RASA3: variants seen among roughly 807,000 people sequenced by gnomAD.
RASA3 encodes ras GTPase-activating protein 3.
A neutral mutation model predicts 110.0 loss-of-function variants in RASA3; 73 were observed. The observed-to-expected ratio is 0.66, with a 90% CI of 0.55 to 0.81. The LOEUF is 0.81. Among genes scored for constraint, RASA3 ranks in the 30% least tolerant of loss-of-function variants. RASA3 has a pLI of 0.00. For missense variants in RASA3, 976 were observed against 1,113.2 expected, an observed-to-expected ratio of 0.88 and a Z score of 1.75; for synonymous variants, 500 against 451.4, an observed-to-expected ratio of 1.11 and a Z score of -1.37.
intron 9 of RASA3, among the ~76,000 whole-genome samples, chr13:114,021,132 C>T (rs1054891423): frequency 2.0e-5 from 3 of 152,192 alleles, no homozygotes; most frequent in African/African-American, 4.8e-5. Flanking sequence ...CTTTCACCCA[C>T]GTTCCCTGTC....
intron 18 of RASA3, among the ~76,000 whole-genome samples, chr13:114,001,887 G>A (rs1354030037): frequency 6.6e-6 from 1 of 152,266 alleles, no homozygotes; most frequent in Non-Finnish European, 1.5e-5. Context: ...GGCCAGCCCT[G>A]CTGTGGTAGA....
At chr13:114,091,844 G>T (rs907885058) in intron 1 of RASA3, among the ~76,000 whole-genome samples, 1 of 151,978 alleles carries the variant, frequency 6.6e-6, no homozygotes, top group Non-Finnish European at 1.5e-5. Context: ...TTTGCTGGGA[G>T]ATTTTTTGTT....
At chr13:114,043,822 C>G (rs1264869592) in intron 3 of RASA3, among the ~76,000 whole-genome samples, 5 of 149,418 alleles carry the variant, frequency 3.3e-5, no homozygotes, top group Non-Finnish European at 6.0e-5. Flanking sequence ...CCGCCTGGCC[C>G]ACCTCACTCG....
intron 14 of RASA3, among the ~76,000 whole-genome samples, chr13:114,013,627 T>A (rs2053700617): frequency 6.9e-6 from 1 of 144,196 alleles, no homozygotes; most frequent in African/African-American, 2.6e-5. Context: ...TCCATCTGTC[T>A]CTCTCTCTCT....
chr13:114,088,981 A>G (rs1392717247), intron 1 of RASA3, among the ~76,000 whole-genome samples: 1 of 152,132 alleles, frequency 6.6e-6, no homozygotes, highest in Non-Finnish European at 1.5e-5. Context: ...ACCATATATG[A>G]AGTTCATAAT....
At chr13:113,982,797 T>C (rs1385767058) in intron 22 of RASA3, among the ~76,000 whole-genome samples, 1 of 152,166 alleles carries the variant, frequency 6.6e-6, no homozygotes, top group Non-Finnish European at 1.5e-5. Flanking sequence ...GGCGTCCCTA[T>C]AGAAGACACC....
intron 2 of RASA3, among the ~76,000 whole-genome samples, chr13:114,072,178 C>A (rs1398338123): frequency 6.6e-6 from 1 of 152,174 alleles, no homozygotes; most frequent in Non-Finnish European, 1.5e-5. Flanking sequence ...CTTCCCACCC[C>A]CGACATAAAT....
At chr13:114,043,690 G>C (rs1017707084) in intron 3 of RASA3, among the ~76,000 whole-genome samples, 2 of 152,058 alleles carry the variant, frequency 1.3e-5, no homozygotes, top group Non-Finnish European at 2.9e-5. Flanking sequence ...ACAGGCCCCA[G>C]CACATGTGGG....
intron 16 of RASA3, among the ~76,000 whole-genome samples, chr13:114,010,364 G>A (rs1386035191): frequency 2.0e-5 from 3 of 151,958 alleles, no homozygotes; most frequent in African/African-American, 7.3e-5. Flanking sequence ...AACTGCCCTG[G>A]CCTGGCCCCT....
At chr13:114,038,879 G>C (rs560899259) in intron 4 of RASA3, among the ~76,000 whole-genome samples, 6 of 152,234 alleles carry the variant, frequency 3.9e-5, no homozygotes, top group Non-Finnish European at 7.3e-5. Flanking sequence ...GACCCACCCA[G>C]TTGCCTCTGC....
At chr13:114,097,329 A>G (rs1262089132) in intron 1 of RASA3, among the ~76,000 whole-genome samples, 2 of 152,210 alleles carry the variant, frequency 1.3e-5, no homozygotes, top group African/African-American at 4.8e-5. Flanking sequence ...GCAAGTCTAC[A>G]AGCAGCCGGC....
chr13:114,047,420 C>T (rs944180015), intron 3 of RASA3, among the ~76,000 whole-genome samples: 12 of 152,264 alleles, frequency 7.9e-5, no homozygotes, highest in Middle Eastern at 6.8e-3. Flanking sequence ...GGGCAGGATG[C>T]GAAATACCTG....
rs35186136 is a variant in RASA3 at position 114,014,598 on chromosome 13, T to TG, written c.1405+610dup. Among the ~76,000 whole-genome samples, 2 of 152,078 alleles carry TG rather than the reference T, an allele frequency of 1.3e-5. No individual in the cohort carries two copies. The highest frequency in any genetic ancestry group is 2.9e-5 in the Non-Finnish European group (2 of 67,986). ...GCGGGGTCTTGAGTATCGCAGGTGA[T>TG]GGGTGGGTGCAGGCACCCAGCTCCT... On this transcript the variant is annotated intron_variant, in intron 14 of 23. Coordinates refer to ENST00000334062, the MANE Select transcript of RASA3 (RefSeq NM_007368.4). The surrounding 1 kb of genome is among the most constrained non-coding windows in gnomAD (Gnocchi z 4.5).
At chr13:113,995,687 CGGCTGATGGGGGGCT>C (rs1192628850) in intron 21 of RASA3, among the ~76,000 whole-genome samples, 1 of 94,014 alleles carries the variant, frequency 1.1e-5, no homozygotes, top group East Asian at 2.7e-4. Flanking sequence ...GATGGGGGCC[CGGCTGATGGGGGGCT>C]GGCTGACGGA....
At chr13:114,039,972 G>A (rs2054363262) in intron 4 of RASA3, among the ~76,000 whole-genome samples, 1 of 152,370 alleles carries the variant, frequency 6.6e-6, no homozygotes, top group East Asian at 1.9e-4. Flanking sequence ...GGTGCCGCGT[G>A]CCAGGCAACA....
intron 1 of RASA3, among the ~76,000 whole-genome samples, chr13:114,122,556 G>T (rs183763458): frequency 1.3e-5 from 2 of 152,226 alleles, no homozygotes; most frequent in African/African-American, 4.8e-5. Context: ...TCCTGCCCCC[G>T]AGCCGTGCCT....
At chr13:114,033,131 C>T (rs189204105) in intron 4 of RASA3, among the ~76,000 whole-genome samples, 86 of 100,780 alleles carry the variant, frequency 8.5e-4, no homozygotes, top group African/African-American at 3.3e-3. Context: ...CCACGGAACC[C>T]CCGCACTGAC....
In RASA3 at chr13:114,112,127, C is replaced by A. The variant is rs1030523568; in HGVS notation, c.55+20308G>T. On this transcript the variant is annotated intron_variant, in intron 1 of 23. Transcript: ENST00000334062. This position sits in a 1 kb window ranked among gnomAD's most constrained non-coding sequence, Gnocchi z 4.8. Reference sequence around the variant, plus strand: ...CCCCCCAGCAACTGGGACAAGGGCACACCAGGCTAATTTTTAATCAGATGG... The same window carrying A: ...CCCCCCAGCAACTGGGACAAGGGCAAACCAGGCTAATTTTTAATCAGATGG... 2.3e-4 allele frequency among the ~76,000 whole-genome samples: 34 copies of A among 146,286 alleles called. No individual in the cohort carries two copies. Among genetic ancestry groups the A allele is most frequent in the African/African-American group, 8.3e-4 (34 of 40,974 alleles).
At chr13:114,123,541 C>T (rs1479835114) in intron 1 of RASA3, among the ~76,000 whole-genome samples, 11 of 152,250 alleles carry the variant, frequency 7.2e-5, no homozygotes, top group Admixed American at 2.0e-4. Flanking sequence ...AGTTCAGACC[C>T]GGGCTGCAGC....
Sources: allele counts gnomAD v4.1 joint callset (sites outside exome capture counted in the v4.1 genomes callset), GRCh38; gene constraint gnomAD v4.1.1; non-coding constraint Gnocchi (gnomAD v3.1); transcripts MANE v1.5; gene names NCBI Gene and HGNC (gene_info 2026-07-23, HGNC 2026-07-21).